MFF: variants seen among roughly 807,000 people sequenced by gnomAD.
The protein encoded by MFF is chromosome 2 open reading frame 33.
MFF carries 12 observed loss-of-function variants against 36.9 expected under a neutral mutation model. The observed-to-expected ratio is 0.33, with a 90% CI of 0.21 to 0.53. The LOEUF is 0.53. Among genes scored for constraint, MFF ranks in the 20% least tolerant of loss-of-function variants. The pLI, the probability that MFF is intolerant of heterozygous loss-of-function variation, is 0.95. For missense variants in MFF, 348 were observed against 366.6 expected (o/e 0.95, Z 0.42); for synonymous variants, 99 against 126.2 (o/e 0.78, Z 1.44).
chr2:227,328,093 G>A (rs529161564), intron 1 of MFF, among the ~76,000 whole-genome samples: 5 of 152,048 alleles, frequency 3.3e-5, no homozygotes, highest in South Asian at 4.2e-4. Context: ...TAAACAGGCC[G>A]GGCACGGTGG....
intron 4 of MFF, among the ~76,000 whole-genome samples, chr2:227,339,365 G>A (rs770414878): frequency 3.0e-4 from 46 of 152,168 alleles, no homozygotes; most frequent in Non-Finnish European, 5.6e-4. Flanking sequence ...TGCAGTTGCC[G>A]TGAAGGGAAA....
intron 6 of MFF, 73 bp from the exon 7 acceptor site, chr2:227,352,441 T>C: frequency 9.4e-7 from 1 of 1,065,794 alleles, no homozygotes; most frequent in Non-Finnish European, 1.4e-6. Context: ...TTTGTCTTGT[T>C]TTTGCTTTTA....
intron 2 of MFF, chr2:227,329,408 T>A (rs1173731189): frequency 7.7e-6 from 2 of 261,166 alleles, no homozygotes; most frequent in Non-Finnish European, 1.5e-5. Context: ...AGACAGTGAC[T>A]GTGCTTACAA....
At chr2:227,356,457 G>A (rs2076261975) in intron 8 of MFF, among the ~76,000 whole-genome samples, 1 of 152,100 alleles carries the variant, frequency 6.6e-6, no homozygotes, top group Admixed American at 6.6e-5. Context: ...TAGCCTTCAG[G>A]CCTGAAGGGT....
At chr2:227,348,247 T>C (rs541104096) in intron 6 of MFF, among the ~76,000 whole-genome samples, 6 of 152,294 alleles carry the variant, frequency 3.9e-5, no homozygotes, top group African/African-American at 1.2e-4. Flanking sequence ...GTTTCTTACC[T>C]TAGGAACGAA....
At chr2:227,341,050 C>T (rs1290013978) in intron 5 of MFF, among the ~76,000 whole-genome samples, 2 of 152,094 alleles carry the variant, frequency 1.3e-5, no homozygotes, top group Non-Finnish European at 2.9e-5. Context: ...CATGTGATGG[C>T]AAGTATCATG....
rs553834306 is a variant in MFF, at chr2:227,340,146, A to C, written c.352-146A>C. 2.7e-5 allele frequency: 16 copies of C among 586,228 alleles called. No individual in the cohort carries two copies. In the African/African-American group the frequency reaches 2.8e-4, roughly 10 times the overall value. The allele number at this position is 586,228 out of a possible 1,614,324, so 36.3% of individuals were successfully genotyped here. ...TTTAAAGCAAGTCTGTCAGTAATAC[A>C]CTGCCTGGCAGCAATTCTTGGTTGC... is the stretch of plus-strand genomic sequence containing the variant. On this transcript the variant is annotated intron_variant, in intron 4 of 8. Coordinates refer to ENST00000304593, the MANE Select transcript of MFF (RefSeq NM_001277062.2).
Position 227,347,318 on chromosome 2 carries a change from C to T in MFF, c.533C>T (p.Ser178Leu), listed in dbSNP as rs761158322. The T allele has an allele frequency of 1.9e-6, 3 of 1,613,590 alleles. No homozygotes were observed. The highest frequency in any genetic ancestry group is 2.5e-6 in the Non-Finnish European group (3 of 1,179,726). Residue 178 changes from serine (S) to leucine (L), a missense_variant, in exon 6 of 9, where the codon TCG becomes TTG. Transcript: ENST00000304593. ...CTTTCCTCTGCTCGTGGCATTTTGT[C>T]GCTTATCCAGTCTTCTACTCGTAGG... ...ANLSSARGIL[S>L]LIQSSTRRAY... is the part of the protein sequence containing the mutation.
chr2:227,342,938 G>T, intron 5 of MFF: 2 of 748,656 alleles, frequency 2.7e-6, no homozygotes, highest in Non-Finnish European at 4.2e-6. Flanking sequence ...TTCCTGTTTG[G>T]CTTTTTAGTA....
At chr2:227,327,409 T>C (rs2074240866) in intron 1 of MFF, among the ~76,000 whole-genome samples, 1 of 152,072 alleles carries the variant, frequency 6.6e-6, no homozygotes, top group Non-Finnish European at 1.5e-5. Flanking sequence ...TTATCAGAAA[T>C]GCCACAGTCT....
intron 4 of MFF, among the ~76,000 whole-genome samples, chr2:227,339,881 G>A (rs1186056264): frequency 1.3e-5 from 2 of 152,190 alleles, no homozygotes; most frequent in African/African-American, 4.8e-5. Context: ...TACAACCGTA[G>A]AAGCCAGGAA....
At position 227,357,320 on chromosome 2, in the gene MFF, C is replaced by A; in HGVS notation, c.*203C>A. The A allele has an allele frequency of 4.5e-6, 2 of 443,572 alleles. No homozygotes were observed. Among genetic ancestry groups the A allele is most frequent in the Non-Finnish European group, 7.9e-6 (2 of 254,472 alleles). The allele number at this position is 443,572 out of a possible 1,614,324, so 27.5% of individuals were successfully genotyped here. Reference sequence around the variant, plus strand: ...TCACTCAGCTGTATTCACGTCTGAGCAGTTCTGCAGTAACACCTGCTTAAA... The same window carrying A: ...TCACTCAGCTGTATTCACGTCTGAGAAGTTCTGCAGTAACACCTGCTTAAA... On this transcript the variant is annotated 3_prime_UTR_variant, in exon 9 of 9. Transcript: ENST00000304593.
intron 5 of MFF, among the ~76,000 whole-genome samples, chr2:227,344,231 C>A (rs968639838): frequency 6.6e-6 from 1 of 152,176 alleles, no homozygotes; most frequent in Non-Finnish European, 1.5e-5. Context: ...TGAGACTTTG[C>A]TATTTTATAA....
intron 2 of MFF, chr2:227,330,014 TTTA>T (rs891509772): frequency 3.0e-4 from 100 of 337,186 alleles, no homozygotes; most frequent in African/African-American, 2.0e-3. Context: ...AACATGAGGA[TTTA>T]TTATTACAAA....
intron 5 of MFF, among the ~76,000 whole-genome samples, chr2:227,342,144 C>G (rs1021952942): frequency 6.6e-6 from 1 of 151,602 alleles, no homozygotes; most frequent in Non-Finnish European, 1.5e-5. Context: ...AACTGAAAAT[C>G]TCATTTTTGA....
chr2:227,352,768 G>C (rs2076066628), intron 7 of MFF, among the ~76,000 whole-genome samples, 195 bp downstream of exon 7: 1 of 152,122 alleles, frequency 6.6e-6, no homozygotes, highest in African/African-American at 2.4e-5. Context: ...TAGTATGAGG[G>C]AAAATGTTTA....
At chr2:227,352,701 A>G (rs1041762736) in intron 7 of MFF, 128 bp downstream of exon 7, 1 of 754,362 alleles carries the variant, frequency 1.3e-6, no homozygotes, top group African/African-American at 1.7e-5. Context: ...TTCCTCGATG[A>G]GTACATCTTG....
chr2:227,346,775 TCA>T (rs5839206), intron 5 of MFF: 152,662 of 152,704 alleles, frequency 1, 76,310 homozygotes, highest in Non-Finnish European at 1. Flanking sequence ...TTTTATGGAA[TCA>T]CACTTTTGAT....
intron 4 of MFF, among the ~76,000 whole-genome samples, chr2:227,339,095 C>G (rs1208283611): frequency 6.6e-6 from 1 of 150,540 alleles, no homozygotes; most frequent in African/African-American, 2.4e-5. Flanking sequence ...CCAGCTACTT[C>G]AGAGGCTAAA....
Sources: gnomAD v4.1 joint callset for allele counts (sites outside exome capture counted in the v4.1 genomes callset) on GRCh38, gnomAD v4.1.1 for gene constraint, MANE v1.5 for transcripts, NCBI Gene and HGNC (gene_info 2026-07-23, HGNC 2026-07-21) for gene names.